MAF: variants seen among roughly 807,000 people sequenced by gnomAD.
The protein encoded by MAF is MAF bZIP transcription factor, also known as transcription factor Maf.
A neutral mutation model predicts 22.0 loss-of-function variants in MAF; 10 were observed. The observed-to-expected ratio is 0.45, with a 90% CI of 0.28 to 0.77. MAF has a LOEUF of 0.77. MAF is among the 30% of genes least tolerant of loss of function. The pLI, the probability that MAF is intolerant of heterozygous loss-of-function variation, is 0.12. For missense variants in MAF, 544 were observed against 548.4 expected, an observed-to-expected ratio of 0.99 and a Z score of 0.08; for synonymous variants, 337 against 255.8, an observed-to-expected ratio of 1.32 and a Z score of -3.03.
chr16:79,370,874 T>G, the MAF span, among the ~76,000 whole-genome samples: 1 of 152,102 alleles, frequency 6.6e-6, no homozygotes, highest in Admixed American at 6.5e-5. Flanking sequence ...CTCCAGCATA[T>G]TCACCGAACC....
At chr16:79,255,806 T>G in the MAF span, among the ~76,000 whole-genome samples, 1 of 152,118 alleles carries the variant, frequency 6.6e-6, no homozygotes, top group African/African-American at 2.4e-5. Flanking sequence ...CCCAGGTTCC[T>G]CATCTGTGAG....
At chr16:79,540,038 G>A in the MAF span, among the ~76,000 whole-genome samples, 2 of 152,034 alleles carry the variant, frequency 1.3e-5, no homozygotes, top group African/African-American at 4.8e-5. Context: ...ACTGCTGGGA[G>A]GAGCCTCATT....
the MAF span, among the ~76,000 whole-genome samples, chr16:79,452,047 A>G: frequency 6.6e-6 from 1 of 152,270 alleles, no homozygotes; most frequent in East Asian, 1.9e-4. Flanking sequence ...ATAAAGTTTT[A>G]TTGGAACTCA....
chr16:79,550,861 G>C, the MAF span, among the ~76,000 whole-genome samples: 3 of 152,292 alleles, frequency 2.0e-5, no homozygotes, highest in Admixed American at 2.0e-4. Context: ...CCCCCAGGGA[G>C]ATTGGCACAG....
chr16:79,581,710 AAC>A (rs1253289646), downstream of MAF, among the ~76,000 whole-genome samples: 2 of 152,234 alleles, frequency 1.3e-5, no homozygotes, highest in African/African-American at 4.8e-5. Context: ...GCCGAGGGAA[AAC>A]ACAATCCTAC....
the MAF span, among the ~76,000 whole-genome samples, chr16:79,416,497 T>G: frequency 5.6e-4 from 46 of 82,218 alleles, no homozygotes; most frequent in Admixed American, 1.9e-3. Flanking sequence ...ATGGTTAAAT[T>G]GCAAAAAAAA....
At chr16:79,488,160 G>A in the MAF span, among the ~76,000 whole-genome samples, 2 of 152,236 alleles carry the variant, frequency 1.3e-5, no homozygotes, top group Admixed American at 1.3e-4. Flanking sequence ...TTTTGAGTTA[G>A]AAGAGCACGC....
At chr16:79,368,781 T>A in the MAF span, among the ~76,000 whole-genome samples, 1 of 152,174 alleles carries the variant, frequency 6.6e-6, no homozygotes, top group East Asian at 1.9e-4. Flanking sequence ...ATCCCACAGC[T>A]AACTCTTCAC....
the MAF span, among the ~76,000 whole-genome samples, chr16:79,286,351 G>A: frequency 6.6e-6 from 1 of 152,152 alleles, no homozygotes; most frequent in Non-Finnish European, 1.5e-5. Flanking sequence ...AAAGTCCTCT[G>A]TACTATCCTC....
chr16:79,311,169 T>C, the MAF span, among the ~76,000 whole-genome samples: 1 of 152,072 alleles, frequency 6.6e-6, no homozygotes, highest in South Asian at 2.1e-4. Context: ...CGCAGCCCTC[T>C]CTCTGGGCTC....
the MAF span, among the ~76,000 whole-genome samples, chr16:79,442,807 G>A: frequency 6.6e-6 from 1 of 152,174 alleles, no homozygotes; most frequent in African/African-American, 2.4e-5. Context: ...CACAAATAGG[G>A]CAGAGGAAAC....
chr16:79,253,345 A>T, the MAF span, among the ~76,000 whole-genome samples: 1 of 152,072 alleles, frequency 6.6e-6, no homozygotes, highest in Non-Finnish European at 1.5e-5. Flanking sequence ...CCTGGACTAA[A>T]GTGTTGTTTG....
the MAF span, among the ~76,000 whole-genome samples, chr16:79,567,880 G>A: frequency 2.0e-5 from 3 of 152,204 alleles, no homozygotes; most frequent in African/African-American, 4.8e-5. Flanking sequence ...AGGCTCTAAA[G>A]GTGAATTTTC....
chr16:79,393,656 T>C, the MAF span, among the ~76,000 whole-genome samples: 16 of 152,122 alleles, frequency 1.1e-4, no homozygotes, highest in Non-Finnish European at 1.6e-4. Context: ...CAAGGATTAT[T>C]CCAGAAAGGT....
the MAF span, among the ~76,000 whole-genome samples, chr16:79,416,751 C>T: frequency 6.6e-6 from 1 of 152,172 alleles, no homozygotes; most frequent in African/African-American, 2.4e-5. Flanking sequence ...GACCAGAGAG[C>T]ATCCTATGAC....
At chr16:79,471,947 T>A in the MAF span, among the ~76,000 whole-genome samples, 1 of 152,292 alleles carries the variant, frequency 6.6e-6, no homozygotes, top group South Asian at 2.1e-4. Context: ...GCAGACATGC[T>A]TTCTCCCTCA....
chr16:79,594,821 G>GTAAA, intron 1 of MAF: 1 of 1,256,770 alleles, frequency 8.0e-7, no homozygotes, highest in East Asian at 3.5e-5. Flanking sequence ...CTTACAGCCA[G>GTAAA]CCACTCAAAC....
chr16:79,547,912 G>GAGAC, the MAF span, among the ~76,000 whole-genome samples: 19 of 124,492 alleles, frequency 1.5e-4, no homozygotes, highest in Admixed American at 4.3e-4. Flanking sequence ...GAGAGAGAGA[G>GAGAC]AGAGAGATAG....
chr16:79,336,416 T>A, the MAF span, among the ~76,000 whole-genome samples: 15 of 152,260 alleles, frequency 9.9e-5, no homozygotes, highest in African/African-American at 3.6e-4. Context: ...CCAAGGTAGC[T>A]TCACTGGCAA....
Sources: gnomAD v4.1 joint callset for allele counts (sites outside exome capture counted in the v4.1 genomes callset) on GRCh38, gnomAD v4.1.1 for gene constraint, MANE v1.5 for transcripts, NCBI Gene and HGNC (gene_info 2026-07-23, HGNC 2026-07-21) for gene names.